Variants in CTNNA2 observed in about 807,000 individuals in gnomAD.
CTNNA2 encodes the protein catenin alpha 2.
Under a neutral mutation model 101.0 loss-of-function variants are expected in CTNNA2, and 42 were observed. The ratio of observed to expected loss-of-function variants is 0.42; its 90% CI spans 0.32 to 0.54. The LOEUF (loss-of-function observed/expected upper bound fraction) is 0.54, where lower values mean the gene tolerates loss of function less well. CTNNA2 is among the 20% of genes least tolerant of loss of function. CTNNA2 has a pLI of 0.14. For missense variants in CTNNA2, 871 were observed against 1,223.1 expected (o/e 0.71, Z 4.29); for synonymous variants, 450 against 456.4 (o/e 0.99, Z 0.18).
At chr2:80,117,455 A>AGTGTGAGTGTGTGTGT (rs1553453141) in intron 7 of CTNNA2, among the ~76,000 whole-genome samples, 1 of 145,882 alleles carries the variant, frequency 6.9e-6, no homozygotes, top group Non-Finnish European at 1.5e-5. Context: ...TTCCTGTGTG[A>AGTGTGAGTGTGTGTGT]GTGTGTGTGT....
At chr2:79,338,257 A>C (rs1677042024) in intron 3 of CTNNA2, among the ~76,000 whole-genome samples, 1 of 151,180 alleles carries the variant, frequency 6.6e-6, no homozygotes, top group Admixed American at 6.6e-5. Flanking sequence ...AAAAAAAAAA[A>C]TTGGTAGTCA....
intron 9 of CTNNA2, among the ~76,000 whole-genome samples, chr2:80,431,861 A>G (rs1409777363): frequency 1.3e-5 from 2 of 152,044 alleles, no homozygotes; most frequent in African/African-American, 4.8e-5. Flanking sequence ...ATTAACTGAG[A>G]CCATCGGTTT....
rs1438578903 is a variant in CTNNA2 at position 79,201,685 on chromosome 2, G to A, written c.-406+3609G>A. The stretch of plus-strand genomic sequence containing the variant: ...CCTCAGCAAATTGTCCTACTGGTTT[G>A]AGCCATAAAGAAACTCAAGCTGGTA... On this transcript the variant is annotated intron_variant, in intron 2 of 21. Transcript: ENST00000466387. 4.6e-5 allele frequency among the ~76,000 whole-genome samples: 7 copies of A among 152,096 alleles called. No individual in the cohort carries two copies. In the East Asian group the frequency reaches 1.4e-3, roughly 29 times the overall value.
intron 3 of CTNNA2, among the ~76,000 whole-genome samples, chr2:79,820,560 G>A (rs1188073102): frequency 2.0e-5 from 3 of 152,136 alleles, no homozygotes; most frequent in African/African-American, 7.2e-5. Flanking sequence ...GAGTCAAAGT[G>A]ACATGTTTAC....
rs145591870 is a variant in CTNNA2 at position 80,122,294 on chromosome 2, A to T, written c.1056+212497A>T. Among the ~76,000 whole-genome samples the T allele has an allele frequency of 2.3e-3, 308 of 134,156 alleles. 2 individuals carry two copies. Among genetic ancestry groups the T allele is most frequent in the African/African-American group, 8.3e-3 (293 of 35,388 alleles). 88.0% of individuals were successfully genotyped at this position (134,156 alleles called of 152,430 possible). A position where few individuals can be genotyped will look rare whatever the true frequency, so the allele number is the denominator to read the frequency against. On this transcript the variant is annotated intron_variant, in intron 7 of 18. Coordinates refer to ENST00000402739, the MANE Select transcript of CTNNA2 (RefSeq NM_001282597.3). ...CTTTCTTTGTCTCTGTCTCTCTCTC[A>T]ATCTCTCTTCCCTCTCTCTGTTTCC...
chr2:80,017,307 A>G (rs541060556), intron 7 of CTNNA2, among the ~76,000 whole-genome samples: 3 of 152,232 alleles, frequency 2.0e-5, no homozygotes, highest in Non-Finnish European at 2.9e-5. Context: ...TATAAATGAA[A>G]GGATGGATGA....
chr2:79,189,688 T>G (rs1673826303), intron 1 of CTNNA2, among the ~76,000 whole-genome samples: 1 of 152,152 alleles, frequency 6.6e-6, no homozygotes, highest in African/African-American at 2.4e-5. Flanking sequence ...TCTAATCTTC[T>G]GACAGTAGGA....
intron 7 of CTNNA2, among the ~76,000 whole-genome samples, chr2:79,989,782 A>G (rs1692038082): frequency 6.6e-6 from 1 of 152,224 alleles, no homozygotes; most frequent in South Asian, 2.1e-4. Flanking sequence ...AAACTGGATC[A>G]GATCAAATCT....
chr2:80,637,583 TCTCTCTG>T (rs1453499093), intron 18 of CTNNA2, among the ~76,000 whole-genome samples: 2 of 152,094 alleles, frequency 1.3e-5, no homozygotes, highest in Non-Finnish European at 2.9e-5. Context: ...GGGAACGGAA[TCTCTCTG>T]CTCTCTCCTC....
chr2:79,365,146 G>A (rs1358393459), intron 3 of CTNNA2, among the ~76,000 whole-genome samples: 3 of 152,016 alleles, frequency 2.0e-5, no homozygotes, highest in Admixed American at 6.6e-5. Context: ...GCATGGTGGC[G>A]GGTGCCTGTA....
intron 9 of CTNNA2, among the ~76,000 whole-genome samples, chr2:80,521,597 G>A (rs1689553970): frequency 6.6e-6 from 1 of 152,160 alleles, no homozygotes. Flanking sequence ...TTAGAGTGAT[G>A]CAAGGAGAGA....
chr2:79,796,159 C>T (rs1675678958), intron 3 of CTNNA2, among the ~76,000 whole-genome samples: 1 of 151,998 alleles, frequency 6.6e-6, no homozygotes, highest in African/African-American at 2.4e-5. Context: ...GGACAGGCAC[C>T]CGTCTTAACA....
intron 2 of CTNNA2, among the ~76,000 whole-genome samples, chr2:79,250,989 A>C (rs559666291): frequency 6.6e-6 from 1 of 152,250 alleles, no homozygotes; most frequent in East Asian, 1.9e-4. Context: ...TTGGGAAAAA[A>C]ATGATTTACT....
intron 7 of CTNNA2, among the ~76,000 whole-genome samples, chr2:80,107,923 G>A (rs1700990542): frequency 6.6e-6 from 1 of 152,178 alleles, no homozygotes; most frequent in Admixed American, 6.5e-5. Context: ...AGGTTGAGTG[G>A]GGCGGGCAGA....
chr2:79,601,373 T>C (rs1198746273), intron 1 of CTNNA2, among the ~76,000 whole-genome samples: 4 of 152,170 alleles, frequency 2.6e-5, no homozygotes, highest in Non-Finnish European at 5.9e-5. Flanking sequence ...GGAGAGCAGC[T>C]TGAGGAGCTA....
In CTNNA2 at chr2:80,313,405, G is replaced by C. The variant is rs56757449; in HGVS notation, c.1057-79806G>C. Reference sequence around the variant, plus strand: ...GAAGCAGAGTTAGATAAAATGTGGTGCCTACCCTGTGTGTTCACAGTTCTG... The same window carrying C: ...GAAGCAGAGTTAGATAAAATGTGGTCCCTACCCTGTGTGTTCACAGTTCTG... On this transcript the variant is annotated intron_variant, in intron 7 of 18. Transcript: ENST00000402739. The C allele has an allele frequency of 0.11, 157,511 of 1,423,100 alleles. 11,215 individuals carry two copies. The highest frequency in any genetic ancestry group is 0.32 in the African/African-American group (22,006 of 68,972). The allele number at this position is 1,423,100 out of a possible 1,614,324, so 88.2% of individuals were successfully genotyped here. A position where few individuals can be genotyped will look rare whatever the true frequency, so the allele number is the denominator to read the frequency against.
At chr2:79,800,529 T>C (rs1049440570) in intron 3 of CTNNA2, among the ~76,000 whole-genome samples, 1 of 152,130 alleles carries the variant, frequency 6.6e-6, no homozygotes, top group Non-Finnish European at 1.5e-5. Flanking sequence ...GCTCAGATAA[T>C]ATTGACAGCA....
At chr2:80,169,801 A>G (rs547027980) in intron 7 of CTNNA2, among the ~76,000 whole-genome samples, 2 of 152,342 alleles carry the variant, frequency 1.3e-5, no homozygotes, top group Admixed American at 6.5e-5. Context: ...TACAAAATAC[A>G]TGGGTTTTGG....
At chr2:80,135,915 C>T (rs1702668391) in intron 7 of CTNNA2, among the ~76,000 whole-genome samples, 1 of 152,090 alleles carries the variant, frequency 6.6e-6, no homozygotes, top group African/African-American at 2.4e-5. Flanking sequence ...TGGTATAAAA[C>T]ATACTCACTG....
Sources: allele counts gnomAD v4.1 joint callset (sites outside exome capture counted in the v4.1 genomes callset), GRCh38; gene constraint gnomAD v4.1.1; transcripts MANE v1.5; gene names NCBI Gene and HGNC (gene_info 2026-07-23, HGNC 2026-07-21).